The following CADPS2 variants were observed in gnomAD, a reference collection of about 807,000 sequenced individuals.
CADPS2 encodes the protein calcium dependent secretion activator 2, also known as calcium-dependent secretion activator 2.
CADPS2 carries 93 observed loss-of-function variants against 172.5 expected under a neutral mutation model. The observed-to-expected ratio is 0.54, with a 90% CI of 0.46 to 0.64. The LOEUF is 0.64. Among genes scored for constraint, CADPS2 ranks in the 30% least tolerant of loss-of-function variants. The probability of loss-of-function intolerance (pLI) is 0.00; values close to 1 mark genes in which losing one functional copy is unlikely to be tolerated. For missense variants in CADPS2, 1,420 were observed against 1,565.9 expected (o/e 0.91, Z 1.57); for synonymous variants, 546 against 555.2 (o/e 0.98, Z 0.23).
chr7:122,639,784 G>C (rs565183778), intron 3 of CADPS2, among the ~76,000 whole-genome samples: 10 of 152,266 alleles, frequency 6.6e-5, no homozygotes, highest in Admixed American at 6.5e-4. Context: ...TGGAGATGTG[G>C]TCCCTTGAGC....
chr7:122,875,484 T>C (rs1346056088), intron 1 of CADPS2, among the ~76,000 whole-genome samples: 1 of 152,168 alleles, frequency 6.6e-6, no homozygotes, highest in African/African-American at 2.4e-5. Context: ...AAGATAGGAA[T>C]GATTACTATA....
At chr7:122,708,213 T>C (rs922186367) in intron 2 of CADPS2, among the ~76,000 whole-genome samples, 2 of 151,682 alleles carry the variant, frequency 1.3e-5, no homozygotes, top group African/African-American at 4.8e-5. Flanking sequence ...ATCTTTTTAA[T>C]ACCCAGCTTC....
intron 2 of CADPS2, among the ~76,000 whole-genome samples, chr7:122,720,675 G>A (rs973465764): frequency 6.6e-6 from 1 of 151,524 alleles, no homozygotes; most frequent in East Asian, 2.0e-4. Context: ...GCGAAACTTT[G>A]GGATCTTTTA....
At chr7:122,517,199 C>T (rs994379770) in intron 8 of CADPS2, among the ~76,000 whole-genome samples, 18 of 152,114 alleles carry the variant, frequency 1.2e-4, no homozygotes, top group African/African-American at 4.3e-4. Context: ...TTTGGTGATT[C>T]ATCCATATTG....
intron 5 of CADPS2, 56 bp downstream of exon 5, chr7:122,621,425 T>G (rs1049730858): frequency 3.6e-6 from 4 of 1,125,822 alleles, no homozygotes; most frequent in Non-Finnish European, 5.3e-6. Flanking sequence ...TCAACAGAAA[T>G]TATTGTGCAT....
chr7:122,805,027 TG>T (rs1447248271), intron 1 of CADPS2, among the ~76,000 whole-genome samples: 16 of 152,230 alleles, frequency 1.1e-4, no homozygotes, highest in African/African-American at 3.6e-4. Flanking sequence ...ATAATAATTG[TG>T]TATGTATCTT....
intron 14 of CADPS2, among the ~76,000 whole-genome samples, chr7:122,461,563 A>G (rs1298129994): frequency 6.6e-6 from 1 of 152,180 alleles, no homozygotes; most frequent in Non-Finnish European, 1.5e-5. Flanking sequence ...TCAAAAGACT[A>G]GCATTTGTAC....
At chr7:122,728,155 C>G (rs2091291398) in intron 2 of CADPS2, among the ~76,000 whole-genome samples, 1 of 151,810 alleles carries the variant, frequency 6.6e-6, no homozygotes, top group South Asian at 2.1e-4. Flanking sequence ...AGTAAAATGA[C>G]AAAAATTTTT....
intron 1 of CADPS2, among the ~76,000 whole-genome samples, chr7:122,832,589 A>G (rs1481308209): frequency 6.6e-6 from 1 of 152,250 alleles, no homozygotes; most frequent in Non-Finnish European, 1.5e-5. Context: ...CCAGAGACCT[A>G]CCAGCATATC....
intron 1 of CADPS2, among the ~76,000 whole-genome samples, chr7:122,819,575 AGC>A (rs1407242608): frequency 6.6e-6 from 1 of 152,072 alleles, no homozygotes; most frequent in African/African-American, 2.4e-5. Flanking sequence ...GGGTATTGAC[AGC>A]CAGGCTTCTA....
At chr7:122,410,131 G>C (rs1336912202) in intron 19 of CADPS2, among the ~76,000 whole-genome samples, 1 of 152,104 alleles carries the variant, frequency 6.6e-6, no homozygotes, top group Non-Finnish European at 1.5e-5. Flanking sequence ...ATTACCTGAG[G>C]TCAGGAGCTC....
At chr7:122,834,432 G>C (rs998625466) in intron 1 of CADPS2, among the ~76,000 whole-genome samples, 1 of 152,120 alleles carries the variant, frequency 6.6e-6, no homozygotes, top group Non-Finnish European at 1.5e-5. Context: ...GTGTCAAACA[G>C]TGGGTGCAGG....
chr7:122,351,945 G>C (rs536000313), intron 27 of CADPS2, among the ~76,000 whole-genome samples: 1 of 152,118 alleles, frequency 6.6e-6, no homozygotes, highest in African/African-American at 2.4e-5. Flanking sequence ...TCCTTTCAAA[G>C]AGAAGTTTCT....
chr7:122,801,724 A>G (rs992106721), intron 1 of CADPS2, among the ~76,000 whole-genome samples: 2 of 152,146 alleles, frequency 1.3e-5, no homozygotes, highest in African/African-American at 4.8e-5. Context: ...AACAAATTAT[A>G]TAACTACATG....
chr7:122,321,437 G>C (rs1398881838), intron 29 of CADPS2, among the ~76,000 whole-genome samples: 1 of 152,102 alleles, frequency 6.6e-6, no homozygotes, highest in African/African-American at 2.4e-5. Context: ...CAAAGTGCCG[G>C]GACTACAGGC....
At chr7:122,408,582 G>A (rs1442373892) in intron 19 of CADPS2, among the ~76,000 whole-genome samples, 1 of 152,040 alleles carries the variant, frequency 6.6e-6, no homozygotes, top group African/African-American at 2.4e-5. Flanking sequence ...ATGCCACCAT[G>A]CCCAGCTAAT....
chr7:122,734,513 G>T (rs1327565717), intron 2 of CADPS2, among the ~76,000 whole-genome samples: 1 of 151,130 alleles, frequency 6.6e-6, no homozygotes, highest in Non-Finnish European at 1.5e-5. Flanking sequence ...AATAATACTT[G>T]CACTGTTTAT....
intron 1 of CADPS2, among the ~76,000 whole-genome samples, chr7:122,761,428 C>T (rs578173952): frequency 1.3e-5 from 2 of 152,180 alleles, no homozygotes; most frequent in Non-Finnish European, 2.9e-5. Flanking sequence ...ATAAGCCTCA[C>T]CTATATCCTG....
intron 17 of CADPS2, among the ~76,000 whole-genome samples, chr7:122,433,532 T>C (rs1294713841): frequency 6.6e-6 from 1 of 151,910 alleles, no homozygotes; most frequent in Admixed American, 6.6e-5. Flanking sequence ...GCCACCCAAG[T>C]AGCTGGGATT....
Sources: allele counts gnomAD v4.1 joint callset (sites outside exome capture counted in the v4.1 genomes callset), GRCh38; gene constraint gnomAD v4.1.1; transcripts MANE v1.5; gene names NCBI Gene and HGNC (gene_info 2026-07-23, HGNC 2026-07-21).